The following CCDC14 variants were observed in gnomAD, a reference collection of about 807,000 sequenced individuals.
The protein encoded by CCDC14 is coiled-coil domain-containing protein 14.
Under a neutral mutation model 81.4 loss-of-function variants are expected in CCDC14, and 71 were observed. The ratio of observed to expected loss-of-function variants is 0.87; its 90% CI spans 0.72 to 1.06. The LOEUF (loss-of-function observed/expected upper bound fraction) is 1.06. CCDC14 is among the 50% of genes least tolerant of loss of function. CCDC14 has a pLI of 0.00. For synonymous variants in CCDC14, 332 were observed against 364.8 expected (o/e 0.91, Z 1.03); for missense variants, 1,046 against 1,047.3 (o/e 1.00, Z 0.02).
At position 123,948,900 on chromosome 3, in the gene CCDC14, A is replaced by G. The variant is rs1477418433; in HGVS notation, c.585T>C (p.His195=). 1 of 1,612,380 alleles carries G rather than the reference A, an allele frequency of 6.2e-7. No individual in the cohort carries two copies. Among genetic ancestry groups the G allele is most frequent in the African/African-American group, 1.3e-5 (1 of 74,908 alleles). The change falls in exon 6 of 13, where the codon CAT becomes CAC. Residue 195 remains histidine (H), a synonymous_variant. Coordinates refer to ENST00000409697, the MANE Select transcript of CCDC14 (RefSeq NM_001366335.1). ...IPAVPCHAPS[H]SESQATPHSS... is the part of the protein sequence containing the mutation. ...TTAAACAGCATTCGTACTCACCAGAATGAGAGGGAGCATGGCATGGTACAG... is the reference window on the plus strand; with the variant it reads ...TTAAACAGCATTCGTACTCACCAGAGTGAGAGGGAGCATGGCATGGTACAG...
At chr3:123,893,658 G>A (rs377138606), downstream of CCDC14, among the ~76,000 whole-genome samples, 5 of 151,902 alleles carry the variant, frequency 3.3e-5, no homozygotes, top group Admixed American at 1.3e-4. Flanking sequence ...GAACTGTTTC[G>A]ATGGCTGTAC....
At chr3:123,931,773 T>C (rs775733755) in intron 10 of CCDC14, among the ~76,000 whole-genome samples, 11 of 152,178 alleles carry the variant, frequency 7.2e-5, no homozygotes, top group Non-Finnish European at 1.6e-4. Flanking sequence ...AAAGAAAGAA[T>C]ACATAATCCT....
In CCDC14 at chr3:123,955,955, T is replaced by C. The variant is rs1174369413; in HGVS notation, c.240A>G (p.Thr80=). The part of the protein sequence containing the change: ...ILRNEDSGSE[T]AYLENRSNSR... ...AATTAGATCTGTTTTCTAAATATGC[T>C]GTTTCTGAACCTATTAATAAAACAA... Residue 80 remains threonine (T), a synonymous_variant, in exon 5 of 13, where the codon ACA becomes ACG. Coordinates refer to ENST00000409697, the MANE Select transcript of CCDC14 (RefSeq NM_001366335.1). 2 of 1,530,242 alleles carry C rather than the reference T, an allele frequency of 1.3e-6. No homozygotes were observed. Among genetic ancestry groups the C allele is most frequent in the Non-Finnish European group, 1.8e-6 (2 of 1,135,632 alleles). 94.8% of individuals were successfully genotyped at this position (1,530,242 alleles called of 1,614,324 possible). A position where few individuals can be genotyped will look rare whatever the true frequency, so the allele number is the denominator to read the frequency against.
At chr3:123,944,298 T>A (rs879218832) in intron 9 of CCDC14, among the ~76,000 whole-genome samples, 1 of 152,160 alleles carries the variant, frequency 6.6e-6, no homozygotes, top group Admixed American at 6.5e-5. Flanking sequence ...GGCAGGGCCA[T>A]GTGCCTTGTT....
Position 123,931,527 on chromosome 3 carries a change from C to A in CCDC14, c.1427-1G>T. On this transcript the variant is annotated splice_acceptor_variant, in intron 10 of 12. Coordinates refer to ENST00000409697, the MANE Select transcript of CCDC14 (RefSeq NM_001366335.1). LOFTEE classifies it high-confidence loss of function. ...ATATTCAATGACTGAAGAGAAAACA[C>A]TGTTAAGACAAAATGGATCAAATAG... 2 of 1,511,650 alleles carry A rather than the reference C, an allele frequency of 1.3e-6. No homozygotes were observed. Among genetic ancestry groups the A allele is most frequent in the Admixed American group, 2.1e-5 (1 of 47,952 alleles). 93.6% of individuals were successfully genotyped at this position (1,511,650 alleles called of 1,614,324 possible). A position where few individuals can be genotyped will look rare whatever the true frequency, so the allele number is the denominator to read the frequency against.
At chr3:123,958,574 A>G (rs934487016) in intron 1 of CCDC14, 2 of 152,066 alleles carry the variant, frequency 1.3e-5, no homozygotes, top group Non-Finnish European at 2.9e-5. Context: ...ATATATATAC[A>G]CAGCAGTACT....
chr3:123,945,048 AGTAT>A (rs1259970959), intron 8 of CCDC14, 58 bp from the exon 9 acceptor site: 33 of 1,178,736 alleles, frequency 2.8e-5, no homozygotes, highest in African/African-American at 1.1e-4. Context: ...CAAGATTATT[AGTAT>A]GTATTACTAA....
In CCDC14 at chr3:123,961,192, A is replaced by G; in HGVS notation, c.-19T>C. On this transcript the variant is annotated 5_prime_UTR_variant, in exon 1 of 13. Coordinates refer to ENST00000409697, the MANE Select transcript of CCDC14 (RefSeq NM_001366335.1). Reference sequence around the variant, plus strand: ...TGACCATCTCTCGCCGCCTCAGAGAAGCCCAGACCGAGGGAAGTGAAGCCT... The same window carrying G: ...TGACCATCTCTCGCCGCCTCAGAGAGGCCCAGACCGAGGGAAGTGAAGCCT... 6.4e-7 allele frequency: 1 copy of G among 1,551,614 alleles called. No homozygotes were observed.
chr3:123,904,121 T>C (rs1328959130), intron 5 of CCDC14, among the ~76,000 whole-genome samples: 2 of 152,192 alleles, frequency 1.3e-5, no homozygotes, highest in Non-Finnish European at 2.9e-5. Context: ...TTCCATATCA[T>C]GGAATACTAA....
downstream of CCDC14, among the ~76,000 whole-genome samples, chr3:123,892,628 A>G (rs1197542948): frequency 6.6e-6 from 1 of 152,100 alleles, no homozygotes; most frequent in Non-Finnish European, 1.5e-5. Flanking sequence ...TTTCACAAGA[A>G]CAGCACAGGG....
downstream of CCDC14, among the ~76,000 whole-genome samples, chr3:123,908,923 A>G (rs1356045423): frequency 6.6e-6 from 1 of 152,198 alleles, no homozygotes; most frequent in Non-Finnish European, 1.5e-5. Context: ...CCATCACCCT[A>G]TCCTAAGATG....
downstream of CCDC14, among the ~76,000 whole-genome samples, chr3:123,893,392 T>A (rs2034016484): frequency 6.6e-6 from 1 of 152,224 alleles, no homozygotes. Flanking sequence ...TTTATCCAGG[T>A]AGAATATATC....
intron 8 of CCDC14, 29 bp from the exon 9 acceptor site, chr3:123,945,019 T>C: frequency 6.6e-7 from 1 of 1,509,266 alleles, no homozygotes. Context: ...ATGAGTAAAA[T>C]CAATATTATA....
At chr3:123,947,347 G>A in intron 7 of CCDC14, 28 bp from the exon 8 acceptor site, 1 of 1,551,838 alleles carries the variant, frequency 6.4e-7, no homozygotes, top group Non-Finnish European at 8.7e-7. Flanking sequence ...CAAGTCTTCA[G>A]AAGTATGAGC....
intron 12 of CCDC14, among the ~76,000 whole-genome samples, chr3:123,924,712 C>T (rs1481415655): frequency 6.6e-6 from 1 of 152,080 alleles, no homozygotes; most frequent in Non-Finnish European, 1.5e-5. Flanking sequence ...GATATCATCT[C>T]ACACCTGTCA....
the CCDC14 span, among the ~76,000 whole-genome samples, chr3:123,890,072 C>T: frequency 3.3e-5 from 5 of 152,176 alleles, no homozygotes; most frequent in Admixed American, 2.0e-4. Flanking sequence ...AGAGGGAGGG[C>T]TTGTGCAGAG....
chr3:123,902,887 G>A (rs1431681274), intron 5 of CCDC14, among the ~76,000 whole-genome samples: 1 of 151,978 alleles, frequency 6.6e-6, no homozygotes, highest in Non-Finnish European at 1.5e-5. Context: ...GTGCCATGGT[G>A]GTTTGCTGCA....
In CCDC14 at chr3:123,947,298, T is replaced by C. The variant is rs1392270188; in HGVS notation, c.706A>G (p.Ser236Gly). ...VHSEVQTDGN[S>G]QFASQGKTVS... Reference sequence around the variant, plus strand: ...GTTTTACCTTGTGATGCAAACTGACTGTTGCCATCAGTTTGAACTTCCTAA... The same window carrying C: ...GTTTTACCTTGTGATGCAAACTGACCGTTGCCATCAGTTTGAACTTCCTAA... Residue 236 changes from serine to glycine, a missense_variant, in exon 8 of 13, where the codon AGT becomes GGT. Physicochemically the swap from Ser to Gly is moderately conservative, Grantham distance 56. Coordinates refer to ENST00000409697, the MANE Select transcript of CCDC14 (RefSeq NM_001366335.1). 1 of 1,609,938 alleles carries C rather than the reference T, an allele frequency of 6.2e-7. No individual in the cohort carries two copies. The highest frequency in any genetic ancestry group is 8.5e-7 in the Non-Finnish European group (1 of 1,176,926).
At position 123,915,121 on chromosome 3, in the gene CCDC14, A is replaced by T. The variant is rs1323422177; in HGVS notation, c.2376T>A (p.Asp792Glu). ...ICSSSTKEAEDAPEKLSRASD... is the reference protein window; with the variant it reads ...ICSSSTKEAEEAPEKLSRASD... ...ATGCTCTGGAAAGTTTTTCAGGTGCATCTTCTGCTTCCTTTGTTGAAGAGG... is the reference window on the plus strand; with the variant it reads ...ATGCTCTGGAAAGTTTTTCAGGTGCTTCTTCTGCTTCCTTTGTTGAAGAGG... The change falls in exon 13 of 13, where the codon GAT (aspartate) becomes GAA (glutamate). Residue 792 changes from aspartate to glutamate, a missense_variant. Physicochemically the swap from Asp to Glu is conservative, Grantham distance 45. Transcript: ENST00000409697. The T allele has an allele frequency of 6.2e-7, 1 of 1,613,790 alleles. No individual in the cohort carries two copies. The highest frequency in any genetic ancestry group is 8.5e-7 in the Non-Finnish European group (1 of 1,179,848).
Sources: gnomAD v4.1 joint callset for allele counts (sites outside exome capture counted in the v4.1 genomes callset) on GRCh38, gnomAD v4.1.1 for gene constraint, MANE v1.5 for transcripts, NCBI Gene and HGNC (gene_info 2026-07-23, HGNC 2026-07-21) for gene names.